NOX4: variants seen among roughly 807,000 people sequenced by gnomAD.
NOX4 encodes the protein NADPH oxidase 4.
Under a neutral mutation model 87.6 loss-of-function variants are expected in NOX4, and 69 were observed. That is an observed-to-expected ratio of 0.79 (90% CI 0.65 to 0.96). The LOEUF (loss-of-function observed/expected upper bound fraction) is 0.96. Ranked by LOEUF, NOX4 falls within the 40% of genes least tolerant of loss-of-function variation. NOX4 has a pLI of 0.00. For synonymous variants in NOX4, 275 were observed against 238.2 expected, an observed-to-expected ratio of 1.15 and a Z score of -1.42; for missense variants, 680 against 681.5, an observed-to-expected ratio of 1.00 and a Z score of 0.02.
intron 11 of NOX4, among the ~76,000 whole-genome samples, chr11:89,397,783 A>T (rs1941587290): frequency 6.6e-6 from 1 of 152,144 alleles, no homozygotes; most frequent in African/African-American, 2.4e-5. Context: ...TGAATCCCTG[A>T]AAAGACCAAT....
the NOX4 span, among the ~76,000 whole-genome samples, chr11:89,506,585 G>A: frequency 6.6e-6 from 1 of 151,728 alleles, no homozygotes; most frequent in Admixed American, 6.6e-5. Flanking sequence ...ATTGATGTTA[G>A]AGGTCATTAA....
At chr11:89,543,351 CAT>C in the NOX4 span, among the ~76,000 whole-genome samples, 1 of 152,138 alleles carries the variant, frequency 6.6e-6, no homozygotes, top group African/African-American at 2.4e-5. Flanking sequence ...TATAGAATCA[CAT>C]ATATGTTACA....
At chr11:89,478,618 T>A (rs1026804501) in intron 2 of NOX4, among the ~76,000 whole-genome samples, 1 of 152,134 alleles carries the variant, frequency 6.6e-6, no homozygotes, top group African/African-American at 2.4e-5. Context: ...GAATTAACTT[T>A]CATATACCTA....
chr11:89,465,318 CCT>C (rs1945631750), intron 2 of NOX4, among the ~76,000 whole-genome samples: 1 of 151,054 alleles, frequency 6.6e-6, no homozygotes. Flanking sequence ...ATGAACTCAC[CCT>C]TTTTTATGGC....
At chr11:89,387,912 G>A (rs956608392) in intron 11 of NOX4, among the ~76,000 whole-genome samples, 1 of 152,068 alleles carries the variant, frequency 6.6e-6, no homozygotes. Flanking sequence ...TTACATACTT[G>A]AAGAACAAAA....
chr11:89,573,820 C>T, the NOX4 span, among the ~76,000 whole-genome samples: 1 of 152,108 alleles, frequency 6.6e-6, no homozygotes, highest in Non-Finnish European at 1.5e-5. Flanking sequence ...CATCTTATGC[C>T]CCTTTTTGTG....
At chr11:89,423,720 G>C (rs2135272880) in intron 7 of NOX4, among the ~76,000 whole-genome samples, 1 of 152,052 alleles carries the variant, frequency 6.6e-6, no homozygotes, top group South Asian at 2.1e-4. Context: ...TAACCTGTCT[G>C]AGAACGTTGT....
At chr11:89,486,291 A>T (rs907702892) in intron 2 of NOX4, among the ~76,000 whole-genome samples, 22 of 147,920 alleles carry the variant, frequency 1.5e-4, no homozygotes, top group African/African-American at 5.4e-4. Context: ...AAATAAATAA[A>T]TTTATTTATT....
chr11:89,536,002 C>T, the NOX4 span, among the ~76,000 whole-genome samples: 1 of 152,108 alleles, frequency 6.6e-6, no homozygotes, highest in African/African-American at 2.4e-5. Flanking sequence ...ACTTTACTAA[C>T]CGCTGCCTTC....
At chr11:89,536,624 T>C in the NOX4 span, among the ~76,000 whole-genome samples, 4,932 of 152,308 alleles carry the variant, frequency 0.032, 166 homozygotes, top group African/African-American at 0.082. Flanking sequence ...ACTGTAAATA[T>C]TATTAACACT....
chr11:89,439,032 T>C (rs1178397249), intron 6 of NOX4, among the ~76,000 whole-genome samples: 2 of 126,066 alleles, frequency 1.6e-5, no homozygotes, highest in Non-Finnish European at 1.6e-5. Flanking sequence ...ATAATAGTGC[T>C]AATAGTAACA....
In NOX4 at chr11:89,432,468, T is replaced by C. The variant is rs186731382; in HGVS notation, c.548+316A>G. On this transcript the variant is annotated intron_variant, in intron 7 of 17. Coordinates refer to ENST00000263317, the MANE Select transcript of NOX4 (RefSeq NM_016931.5). Reference sequence around the variant, plus strand: ...TAGGAATTTCTAAGGTCCCCATATGTACACATTGATTTCAATCCCGTGTCC... The same window carrying C: ...TAGGAATTTCTAAGGTCCCCATATGCACACATTGATTTCAATCCCGTGTCC... Among the ~76,000 whole-genome samples the C allele has an allele frequency of 2.2e-3, 340 of 152,248 alleles. 1 individual carries two copies. The highest frequency in any genetic ancestry group is 7.9e-3 in the African/African-American group (329 of 41,570).
At position 89,341,290 on chromosome 11, in the gene NOX4, T is replaced by C. The variant is rs368161918; in HGVS notation, c.1337+784A>G. ...GGCATGCAAAACCACGCCTGGTTGA[T>C]TTTTATATTGTTAGTAGAGACAGGG... On this transcript the variant is annotated intron_variant, in intron 14 of 17. Transcript: ENST00000263317. Among the ~76,000 whole-genome samples, 14 of 151,956 alleles carry C rather than the reference T, an allele frequency of 9.2e-5. No individual in the cohort carries two copies. The East Asian group carries it at 2.7e-3, about 30-fold the overall frequency.
intron 11 of NOX4, 131 bp from the exon 12 acceptor site, chr11:89,373,623 A>G: frequency 3.3e-6 from 2 of 598,676 alleles, no homozygotes; most frequent in East Asian, 2.8e-5. Flanking sequence ...ACTAAAATCT[A>G]TACAGATCCT....
chr11:89,457,642 C>T (rs1945264928), intron 2 of NOX4, among the ~76,000 whole-genome samples: 2 of 152,148 alleles, frequency 1.3e-5, no homozygotes, highest in African/African-American at 4.8e-5. Context: ...TAAAGTCAGT[C>T]TACTGAACCT....
rs1938421166 is a variant in NOX4, at chr11:89,360,300, G to C, written c.1136-5257C>G. Reference sequence around the variant, plus strand: ...AGTCTGCAGTATTTAGCAGCAACAGGTCATAAGAGAAAAGACACCGTTGCC... The same window carrying C: ...AGTCTGCAGTATTTAGCAGCAACAGCTCATAAGAGAAAAGACACCGTTGCC... On this transcript the variant is annotated intron_variant, in intron 12 of 17. Coordinates refer to ENST00000263317, the MANE Select transcript of NOX4 (RefSeq NM_016931.5). Among the ~76,000 whole-genome samples the C allele has an allele frequency of 2.6e-5, 4 of 152,142 alleles. No individual in the cohort carries two copies. The South Asian group carries it at 6.2e-4, about 24-fold the overall frequency.
chr11:89,488,558 A>G (rs1314204460), intron 2 of NOX4, among the ~76,000 whole-genome samples: 1 of 152,206 alleles, frequency 6.6e-6, no homozygotes, highest in Non-Finnish European at 1.5e-5. Flanking sequence ...TTTAAGAAAT[A>G]AGATGTTATT....
chr11:89,490,816 A>C (rs147782379), intron 1 of NOX4: 211 of 699,112 alleles, frequency 3.0e-4, no homozygotes, highest in African/African-American at 2.8e-3. Flanking sequence ...CCCCTGCCGT[A>C]CAAAATGAGA....
intron 2 of NOX4, among the ~76,000 whole-genome samples, chr11:89,484,608 G>A (rs1347318991): frequency 6.6e-6 from 1 of 152,054 alleles, no homozygotes; most frequent in African/African-American, 2.4e-5. Context: ...GTAGGTGATA[G>A]TGAACAAATC....
Sources: allele counts gnomAD v4.1 joint callset (sites outside exome capture counted in the v4.1 genomes callset), GRCh38; gene constraint gnomAD v4.1.1; transcripts MANE v1.5; gene names NCBI Gene and HGNC (gene_info 2026-07-23, HGNC 2026-07-21).